Variants in HARS2 observed in about 807,000 individuals in gnomAD.
The protein encoded by HARS2 is histidyl-tRNA synthetase 2, mitochondrial, also known as histidine--tRNA ligase, mitochondrial.
A neutral mutation model predicts 62.4 loss-of-function variants in HARS2; 40 were observed. That is an observed-to-expected ratio of 0.64 (90% CI 0.50 to 0.83). HARS2 has a LOEUF of 0.83. Among genes scored for constraint, HARS2 ranks in the 40% least tolerant of loss-of-function variants. The probability of loss-of-function intolerance (pLI) is 0.00; values close to 1 mark genes in which losing one functional copy is unlikely to be tolerated. For missense variants in HARS2, 569 were observed against 626.4 expected, an observed-to-expected ratio of 0.91 and a Z score of 0.98; for synonymous variants, 228 against 227.0, an observed-to-expected ratio of 1.00 and a Z score of -0.04.
At chr5:140,695,708 T>G in intron 5 of HARS2, 30 bp from the exon 6 acceptor site, 1 of 1,613,224 alleles carries the variant, frequency 6.2e-7, no homozygotes, top group Non-Finnish European at 8.5e-7. Flanking sequence ...GGATAATGGA[T>G]GTTTTTTCCC....
In HARS2 at chr5:140,697,615, C is replaced by T; in HGVS notation, c.1244C>T (p.Ala415Val). 1 of 1,613,836 alleles carries T rather than the reference C, an allele frequency of 6.2e-7. No individual in the cohort carries two copies. Among genetic ancestry groups the T allele is most frequent in the Non-Finnish European group, 8.5e-7 (1 of 1,179,772 alleles). Residue 415 changes from alanine (A) to valine (V), a missense_variant, in exon 11 of 13, where the codon GCC (alanine) becomes GTC (valine). Transcript: ENST00000230771. ...ACTACAGAGACTCAAGTGTTTGTGG[C>T]CACACCACAGAAGAACTTTCTCCAA... ...VRTTETQVFV[A>V]TPQKNFLQER...
chr5:140,691,458 G>T lies in HARS2; in HGVS notation c.-191G>T, dbSNP rs1171417224. 2 of 717,216 alleles carry T rather than the reference G, an allele frequency of 2.8e-6. No individual in the cohort carries two copies. Among genetic ancestry groups the T allele is most frequent in the Non-Finnish European group, 4.7e-6 (2 of 428,802 alleles). The allele number at this position is 717,216 out of a possible 1,614,324, so 44.4% of individuals were successfully genotyped here. On this transcript the variant is annotated 5_prime_UTR_variant, in exon 1 of 13. Transcript: ENST00000230771. Reference sequence around the variant, plus strand: ...ATTTCCGGCTCCTCCCGGAAGTGCCGAAGCTGGCTACTAAGGGAACTTGGG... The same window carrying T: ...ATTTCCGGCTCCTCCCGGAAGTGCCTAAGCTGGCTACTAAGGGAACTTGGG...
In HARS2 at chr5:140,697,587, C is replaced by T. The variant is rs767415065; in HGVS notation, c.1216C>T (p.Arg406Trp). 6 of 1,612,710 alleles carry T rather than the reference C, an allele frequency of 3.7e-6. No individual in the cohort carries two copies. The highest frequency in any genetic ancestry group is 5.1e-6 in the Non-Finnish European group (6 of 1,178,852). ...TTATTAGACCAAAGGTGAGAAGGTG[C>T]GGACTACAGAGACTCAAGTGTTTGT... is the stretch of plus-strand genomic sequence containing the variant. ...QRMKTKGEKV[R>W]TTETQVFVAT... is the part of the protein sequence containing the mutation. Residue 406 changes from arginine (R) to tryptophan (W), a missense_variant, in exon 11 of 13, where the codon CGG becomes TGG. By Grantham distance (101) the Arg-to-Trp change is moderately radical. Coordinates refer to ENST00000230771, the MANE Select transcript of HARS2 (RefSeq NM_012208.4).
At chr5:140,696,850 T>G in intron 8 of HARS2, 93 bp from the exon 9 acceptor site, 2 of 964,860 alleles carry the variant, frequency 2.1e-6, no homozygotes, top group Non-Finnish European at 3.1e-6. Flanking sequence ...TTTTTTTTTT[T>G]AAAGAAAATG....
intron 4 of HARS2, among the ~76,000 whole-genome samples, chr5:140,695,023 C>G (rs1759688941): frequency 6.6e-6 from 1 of 152,142 alleles, no homozygotes; most frequent in East Asian, 1.9e-4. Context: ...TCAAGTGATC[C>G]TCCCATCTTG....
chr5:140,695,839 C>T lies in HARS2; in HGVS notation c.627C>T (p.Leu209=), dbSNP rs1339045059. ...ILSGLQLGDF[L]IKVNDRRIVD... ...GTGGATTGCAGTTGGGAGACTTTCT[C>T]ATTAAGGTGAGGCCAGGGCTGAGAA... is the stretch of plus-strand genomic sequence containing the variant. The change falls in exon 6 of 13, where the codon CTC becomes CTT. Residue 209 remains leucine (L), a synonymous_variant. Transcript: ENST00000230771. The T allele has an allele frequency of 1.2e-6, 2 of 1,602,856 alleles. No homozygotes were observed. Among genetic ancestry groups the T allele is most frequent in the South Asian group, 1.1e-5 (1 of 90,834 alleles).
Position 140,698,059 on chromosome 5 carries a change from C to T in HARS2, c.1442C>T (p.Ser481Leu). Residue 481 changes from serine (S) to leucine (L), a missense_variant, in exon 12 of 13, where the codon TCA becomes TTA. Coordinates refer to ENST00000230771, the MANE Select transcript of HARS2 (RefSeq NM_012208.4). ...ELKEGVIKIRSVASREEVAIK... is the reference protein window; with the variant it reads ...ELKEGVIKIRLVASREEVAIK... Reference sequence around the variant, plus strand: ...AAAGAAGGGGTCATCAAGATCCGTTCAGTGGCCAGCAGAGAGGAGGTGAGT... The same window carrying T: ...AAAGAAGGGGTCATCAAGATCCGTTTAGTGGCCAGCAGAGAGGAGGTGAGT... 1 of 1,614,176 alleles carries T rather than the reference C, an allele frequency of 6.2e-7. No homozygotes were observed. The highest frequency in any genetic ancestry group is 8.5e-7 in the Non-Finnish European group (1 of 1,180,014).
Position 140,698,818 on chromosome 5 carries a change from A to T in HARS2, c.*266A>T. On this transcript the variant is annotated 3_prime_UTR_variant, in exon 13 of 13. Transcript: ENST00000230771. Reference sequence around the variant, plus strand: ...CAGAGGCAAATTTGAAGTGCCACGGAACGTTGTCAAGAGGTAGTGAGATTG... The same window carrying T: ...CAGAGGCAAATTTGAAGTGCCACGGTACGTTGTCAAGAGGTAGTGAGATTG... 1 of 517,738 alleles carries T rather than the reference A, an allele frequency of 1.9e-6. No individual in the cohort carries two copies. The highest frequency in any genetic ancestry group is 3.5e-6 in the Non-Finnish European group (1 of 285,566). The allele number at this position is 517,738 out of a possible 1,614,324, so 32.1% of individuals were successfully genotyped here.
chr5:140,698,496 G>T lies in HARS2; in HGVS notation c.1465G>T (p.Ala489Ser). 6.2e-7 allele frequency: 1 copy of T among 1,606,730 alleles called. No homozygotes were observed. Among genetic ancestry groups the T allele is most frequent in the South Asian group, 1.1e-5 (1 of 90,952 alleles). ...TGAGGATTCTCTTATGTTTCAGGTG[G>T]CCATTAAACGGGAAAATTTTGTGGC... The part of the protein sequence containing the change: ...IRSVASREEV[A>S]IKRENFVAEI... The change falls in exon 13 of 13, where the codon GCC (alanine) becomes TCC (serine). Residue 489 changes from alanine (A) to serine (S), a missense_variant. By Grantham distance (99) the Ala-to-Ser change is moderately conservative. Coordinates refer to ENST00000230771, the MANE Select transcript of HARS2 (RefSeq NM_012208.4).
intron 8 of HARS2, 69 bp from the exon 9 acceptor site, chr5:140,696,874 A>T (rs1159351660): frequency 9.5e-6 from 12 of 1,258,930 alleles, no homozygotes; most frequent in Non-Finnish European, 1.4e-5. Context: ...AAGACTAGCT[A>T]GAGCACATTA....
At chr5:140,697,527 A>T in intron 10 of HARS2, 42 bp from the exon 11 acceptor site, 1 of 1,599,076 alleles carries the variant, frequency 6.3e-7, no homozygotes, top group Non-Finnish European at 8.6e-7. Flanking sequence ...TTGCTGGTGG[A>T]AAGGAGGTTT....
rs1429114032 is a variant in HARS2, at chr5:140,697,937, G to A, written c.1320G>A (p.Glu440=). The change falls in exon 12 of 13, where the codon GAG becomes GAA. Residue 440 remains glutamate (E), a synonymous_variant. Transcript: ENST00000230771. ...TCTGTCTTGATCCTTTTCAGGCAGA[G>A]ATGCTATACAAGAACAACCCCAAAC... is the stretch of plus-strand genomic sequence containing the variant. ...AELWDSGIKA[E]MLYKNNPKLL... The A allele has an allele frequency of 6.2e-7, 1 of 1,613,712 alleles. No individual in the cohort carries two copies. Among genetic ancestry groups the A allele is most frequent in the African/African-American group, 1.3e-5 (1 of 74,900 alleles).
intron 1 of HARS2, 116 bp downstream of exon 1, chr5:140,691,872 A>G (rs749643679): frequency 1.7e-5 from 13 of 745,236 alleles, no homozygotes; most frequent in Non-Finnish European, 3.1e-5. Context: ...AGTGCCCACT[A>G]TGTACTGACA....
chr5:140,694,121 G>T, intron 3 of HARS2, 64 bp from the exon 4 acceptor site: 1 of 1,608,358 alleles, frequency 6.2e-7, no homozygotes, highest in South Asian at 1.1e-5. Context: ...TGTCCCAAAG[G>T]GCTTCTCATC....
intron 4 of HARS2, among the ~76,000 whole-genome samples, chr5:140,694,920 T>C (rs1759684843): frequency 6.6e-6 from 1 of 152,206 alleles, no homozygotes; most frequent in Non-Finnish European, 1.5e-5. Context: ...CACTCCAGCC[T>C]GGGTGACAAG....
chr5:140,694,568 A>T (rs1473477321), intron 4 of HARS2, among the ~76,000 whole-genome samples: 2 of 152,200 alleles, frequency 1.3e-5, no homozygotes, highest in African/African-American at 2.4e-5. Flanking sequence ...AATTTGTATT[A>T]AAAAATTGTT....
intron 11 of HARS2, 29 bp from the exon 12 acceptor site, chr5:140,697,903 G>T (rs1238552338): frequency 6.2e-7 from 1 of 1,610,306 alleles, no homozygotes. Context: ...TCACTTCTAA[G>T]TCCCTTACTC....
In HARS2 at chr5:140,697,151, C is replaced by T; in HGVS notation, c.955-13C>T. 2 of 1,614,216 alleles carry T rather than the reference C, an allele frequency of 1.2e-6. No homozygotes were observed. The highest frequency in any genetic ancestry group is 8.5e-7 in the Non-Finnish European group (1 of 1,180,046). On this transcript the variant is annotated splice_polypyrimidine_tract_variant and intron_variant, in intron 9 of 12. Transcript: ENST00000230771. ...AGTCTAGTTTGGGACTGACTGTAAT[C>T]TTGTCCCCACAGATCTCCTTTGACC...
intron 2 of HARS2, 51 bp downstream of exon 2, chr5:140,693,716 C>T (rs1759634036): frequency 1.4e-6 from 2 of 1,420,868 alleles, no homozygotes; most frequent in African/African-American, 2.8e-5. Context: ...GAGGACTGAC[C>T]TCTGCCTTGC....
Sources: gnomAD v4.1 joint callset for allele counts (sites outside exome capture counted in the v4.1 genomes callset) on GRCh38, gnomAD v4.1.1 for gene constraint, MANE v1.5 for transcripts, NCBI Gene and HGNC (gene_info 2026-07-23, HGNC 2026-07-21) for gene names.